HIRA: variants seen among roughly 807,000 people sequenced by gnomAD.
HIRA encodes protein HIRA.
A neutral mutation model predicts 126.6 loss-of-function variants in HIRA; 13 were observed. The observed-to-expected ratio is 0.10, with a 90% CI of 0.07 to 0.16. HIRA has a LOEUF of 0.16. Among genes scored for constraint, HIRA ranks in the 10% least tolerant of loss-of-function variants. HIRA has a pLI of 1.00. For synonymous variants in HIRA, 511 were observed against 520.0 expected (o/e 0.98, Z 0.24); for missense variants, 834 against 1,314.4 (o/e 0.63, Z 5.65).
At chr22:19,390,552 T>A (rs1224717372) in intron 9 of HIRA, among the ~76,000 whole-genome samples, 1 of 132,392 alleles carries the variant, frequency 7.6e-6, no homozygotes, top group South Asian at 2.5e-4. Context: ...GAAGCCAAGA[T>A]TGCACCACTG....
intron 24 of HIRA, among the ~76,000 whole-genome samples, chr22:19,343,385 C>T (rs2088652259): frequency 6.6e-6 from 1 of 150,376 alleles, no homozygotes; most frequent in Non-Finnish European, 1.5e-5. Context: ...AATCCCACCT[C>T]TACCAAGAAA....
chr22:19,420,391 G>A (rs12157681), intron 1 of HIRA, among the ~76,000 whole-genome samples: 2,930 of 149,842 alleles, frequency 0.02, 112 homozygotes, highest in African/African-American at 0.068. Context: ...TATTGAGCTC[G>A]GGAGGTCGAG....
intron 24 of HIRA, among the ~76,000 whole-genome samples, chr22:19,347,837 G>A (rs1556009364): frequency 6.6e-6 from 1 of 152,202 alleles, no homozygotes. Flanking sequence ...TACTTGGGAG[G>A]CTGAGGCAGG....
intron 24 of HIRA, among the ~76,000 whole-genome samples, chr22:19,336,000 A>G (rs1172728029): frequency 6.6e-6 from 1 of 152,222 alleles, no homozygotes; most frequent in African/African-American, 2.4e-5. Flanking sequence ...GTAAACGTTT[A>G]TAATTCTTAG....
At chr22:19,378,354 G>A (rs1368266929) in intron 13 of HIRA, among the ~76,000 whole-genome samples, 3 of 152,204 alleles carry the variant, frequency 2.0e-5, no homozygotes, top group African/African-American at 7.2e-5. Flanking sequence ...GTGTTAAACT[G>A]TGCAAACACA....
At position 19,388,559 on chromosome 22, in the gene HIRA, A is replaced by G; in HGVS notation, c.937-5T>C. On this transcript the variant is annotated splice_polypyrimidine_tract_variant and splice_region_variant and intron_variant, in intron 9 of 24. Transcript: ENST00000263208. ...CGGCCGTTTCAGACATGTGAGCTGG[A>G]AGGAAAGACACAGTCAAGGTTAATG... 1 of 1,610,450 alleles carries G rather than the reference A, an allele frequency of 6.2e-7. No homozygotes were observed. Among genetic ancestry groups the G allele is most frequent in the Non-Finnish European group, 8.5e-7 (1 of 1,176,626 alleles).
intron 17 of HIRA, among the ~76,000 whole-genome samples, chr22:19,360,369 G>C (rs1054403577): frequency 6.6e-6 from 1 of 152,176 alleles, no homozygotes; most frequent in East Asian, 1.9e-4. Flanking sequence ...ACGTCTGAAC[G>C]CTGCTGACCA....
At position 19,361,184 on chromosome 22, in the gene HIRA, C is replaced by T. The variant is rs2088859957; in HGVS notation, c.2085+53G>A. ...GATAGGATTTGTATGCAGTAGGGGA[C>T]AGAGAATGTCTGGGTGTGCCTGAGG... On this transcript the variant is annotated intron_variant, in intron 17 of 24. Coordinates refer to ENST00000263208, the MANE Select transcript of HIRA (RefSeq NM_003325.4). 9 of 1,326,144 alleles carry T rather than the reference C, an allele frequency of 6.8e-6. No individual in the cohort carries two copies. In the East Asian group the frequency reaches 1.8e-4, roughly 27 times the overall value. 82.1% of individuals were successfully genotyped at this position (1,326,144 alleles called of 1,614,324 possible).
intron 9 of HIRA, 28 bp downstream of exon 9, chr22:19,392,073 C>A (rs752003801): frequency 5.0e-6 from 7 of 1,389,672 alleles, no homozygotes; most frequent in Non-Finnish European, 6.0e-6. Context: ...TCCCGTCCTG[C>A]AACAAAAGCT....
At chr22:19,354,156 C>A in intron 21 of HIRA, 38 bp from the exon 22 acceptor site, 1 of 1,600,170 alleles carries the variant, frequency 6.2e-7, no homozygotes, top group Non-Finnish European at 8.5e-7. Context: ...TCAGGAAAAC[C>A]AAGAGATCTG....
In HIRA at chr22:19,428,674, C is replaced by T. The variant is rs1569316818; in HGVS notation, c.37+2766G>A. On this transcript the variant is annotated intron_variant, in intron 1 of 24. Coordinates refer to ENST00000263208, the MANE Select transcript of HIRA (RefSeq NM_003325.4). ...AGAAAAAGTATGTTCATGCTGGGTG[C>T]AGTGGCTCACGCCTGTAGTCCCAGC... Among the ~76,000 whole-genome samples the T allele has an allele frequency of 2.0e-5, 3 of 152,244 alleles. No homozygotes were observed. In the South Asian group the frequency reaches 6.2e-4, roughly 32 times the overall value.
chr22:19,332,765 A>C (rs1160678449), intron 24 of HIRA, among the ~76,000 whole-genome samples: 2 of 151,436 alleles, frequency 1.3e-5, no homozygotes, highest in Admixed American at 6.6e-5. Context: ...ACCTAAAGCC[A>C]TCAGGGGAAA....
At chr22:19,356,367 TG>T in intron 19 of HIRA, 79 bp from the exon 20 acceptor site, 1 of 1,247,614 alleles carries the variant, frequency 8.0e-7, no homozygotes, top group Non-Finnish European at 1.2e-6. Flanking sequence ...TCAGACACCC[TG>T]GCCCTACTGC....
At position 19,431,590 on chromosome 22, in the gene HIRA, C is replaced by A. The variant is rs927339055; in HGVS notation, c.-114G>T. ...GCGCCACCCGCCCTCCGGCCGCCGC[C>A]CGCCCCGCGCCCTCAGGGCCGCCGC... is the stretch of plus-strand genomic sequence containing the variant. On this transcript the variant is annotated 5_prime_UTR_variant, in exon 1 of 25. Transcript: ENST00000263208. 22 of 928,290 alleles carry A rather than the reference C, an allele frequency of 2.4e-5. 1 individual carries two copies. The highest frequency in any genetic ancestry group is 2.8e-5 in the Non-Finnish European group (22 of 779,378). 57.5% of individuals were successfully genotyped at this position (928,290 alleles called of 1,614,324 possible). A position where few individuals can be genotyped will look rare whatever the true frequency, so the allele number is the denominator to read the frequency against.
chr22:19,417,850 G>A, intron 1 of HIRA, among the ~76,000 whole-genome samples: 1 of 152,192 alleles, frequency 6.6e-6, no homozygotes, highest in Non-Finnish European at 1.5e-5. Context: ...CAACCCAAGT[G>A]TCCCTTGACC....
chr22:19,367,368 A>T (rs1428740153), intron 15 of HIRA, among the ~76,000 whole-genome samples: 2 of 138,930 alleles, frequency 1.4e-5, no homozygotes, highest in African/African-American at 2.7e-5. Context: ...CCAATGTACC[A>T]TTTTTTTTTT....
At chr22:19,340,415 C>T (rs1210702) in intron 24 of HIRA, among the ~76,000 whole-genome samples, 22,268 of 151,754 alleles carry the variant, frequency 0.15, 1,691 homozygotes, top group Non-Finnish European at 0.17. Flanking sequence ...GACTTTATAC[C>T]GAAAAGGGAA....
chr22:19,347,707 G>C (rs536011815), intron 24 of HIRA, among the ~76,000 whole-genome samples: 1 of 152,138 alleles, frequency 6.6e-6, no homozygotes, highest in Non-Finnish European at 1.5e-5. Context: ...GGGAGGCTGA[G>C]GTGGGTAGAT....
chr22:19,418,518 G>T (rs1335235351), intron 1 of HIRA, among the ~76,000 whole-genome samples: 1 of 152,026 alleles, frequency 6.6e-6, no homozygotes, highest in Non-Finnish European at 1.5e-5. Context: ...TGTAGTCCCA[G>T]CTACTTGGGA....
Sources: allele counts gnomAD v4.1 joint callset (sites outside exome capture counted in the v4.1 genomes callset), GRCh38; gene constraint gnomAD v4.1.1; transcripts MANE v1.5; gene names NCBI Gene and HGNC (gene_info 2026-07-23, HGNC 2026-07-21).